Variants in CSPP1 observed in about 807,000 individuals in gnomAD.
The protein encoded by CSPP1 is centrosome and spindle pole-associated protein 1.
CSPP1 carries 126 observed loss-of-function variants against 164.4 expected under a neutral mutation model. The ratio of observed to expected loss-of-function variants is 0.77; its 90% CI spans 0.66 to 0.89. CSPP1 has a LOEUF of 0.89. Ranked by LOEUF, CSPP1 falls within the 40% of genes least tolerant of loss-of-function variation. The pLI is 0.00. For missense variants in CSPP1, 1,395 were observed against 1,449.8 expected, an observed-to-expected ratio of 0.96 and a Z score of 0.61; for synonymous variants, 472 against 476.7, an observed-to-expected ratio of 0.99 and a Z score of 0.13.
intron 17 of CSPP1, among the ~76,000 whole-genome samples, chr8:67,141,322 G>A (rs1328589755): frequency 6.6e-6 from 1 of 152,116 alleles, no homozygotes; most frequent in Non-Finnish European, 1.5e-5. Context: ...GACCTAATGA[G>A]CATGGAGAAA....
intron 4 of CSPP1, among the ~76,000 whole-genome samples, chr8:67,091,225 A>T (rs191129732): frequency 4.6e-5 from 7 of 152,336 alleles, no homozygotes; most frequent in Non-Finnish European, 8.8e-5. Flanking sequence ...TGCTTGGGCT[A>T]GTTGTAGATC....
chr8:67,112,857 A>G (rs1817146217), intron 10 of CSPP1, among the ~76,000 whole-genome samples: 1 of 152,212 alleles, frequency 6.6e-6, no homozygotes, highest in Non-Finnish European at 1.5e-5. Flanking sequence ...TATGTTGTAC[A>G]TAGGTATCAT....
intron 18 of CSPP1, among the ~76,000 whole-genome samples, chr8:67,150,914 C>T (rs1308360880): frequency 6.6e-6 from 1 of 152,156 alleles, no homozygotes; most frequent in Admixed American, 6.5e-5. Flanking sequence ...CAAAATTCTA[C>T]TTTGTGCTTT....
At chr8:67,178,074 GGCATA>G (rs1170210456) in intron 27 of CSPP1, among the ~76,000 whole-genome samples, 2 of 152,236 alleles carry the variant, frequency 1.3e-5, no homozygotes, top group East Asian at 3.9e-4. Flanking sequence ...AGACAGGCCT[GGCATA>G]TAAGTTTTAT....
chr8:67,195,240 A>G, intron 30 of CSPP1, 142 bp from the exon 31 acceptor site: 3 of 712,018 alleles, frequency 4.2e-6, no homozygotes, highest in Non-Finnish European at 7.6e-6. Context: ...GAGTCTAACC[A>G]AAACAAACAA....
chr8:67,107,999 T>TTTG (rs1815969854), intron 9 of CSPP1, among the ~76,000 whole-genome samples: 1 of 150,842 alleles, frequency 6.6e-6, no homozygotes, highest in African/African-American at 2.4e-5. Context: ...TTTTTTTTTT[T>TTTG]TTGTTTGGGT....
intron 3 of CSPP1, among the ~76,000 whole-genome samples, chr8:67,078,249 T>G (rs762719199): frequency 6.6e-6 from 1 of 152,164 alleles, no homozygotes; most frequent in African/African-American, 2.4e-5. Flanking sequence ...TTATGACATC[T>G]ATCTCAAAAA....
Position 67,093,576 on chromosome 8 carries a change from A to C in CSPP1, c.418A>C (p.Asn140His). Residue 140 changes from asparagine to histidine, a missense_variant, in exon 6 of 31, where the codon AAT (asparagine) becomes CAT (histidine). Transcript: ENST00000678616. ...GAAACTTGAACGTAACAAAGAATAC[A>C]ATCAGTTTCTCAGGGGTAAGGAAGA... is the stretch of plus-strand genomic sequence containing the variant. The part of the protein sequence containing the change: ...RLKLERNKEY[N>H]QFLRGKEESS... The C allele has an allele frequency of 2.5e-6, 4 of 1,611,672 alleles. No individual in the cohort carries two copies. The highest frequency in any genetic ancestry group is 3.4e-6 in the Non-Finnish European group (4 of 1,177,974).
At chr8:67,194,751 A>G (rs1345122641) in intron 30 of CSPP1, among the ~76,000 whole-genome samples, 1 of 152,072 alleles carries the variant, frequency 6.6e-6, no homozygotes, top group Non-Finnish European at 1.5e-5. Context: ...TATTATACCT[A>G]ATAATAAATA....
At chr8:67,121,933 C>T (rs371122664) in intron 15 of CSPP1, among the ~76,000 whole-genome samples, 4 of 151,876 alleles carry the variant, frequency 2.6e-5, no homozygotes, top group Admixed American at 6.6e-5. Flanking sequence ...CTAGGTTATC[C>T]GATTTGTTGG....
intron 7 of CSPP1, 59 bp from the exon 8 acceptor site, chr8:67,102,978 C>A: frequency 1.1e-6 from 1 of 942,494 alleles, no homozygotes; most frequent in Non-Finnish European, 1.7e-6. Flanking sequence ...AAACACCAAA[C>A]TGTTATAAGA....
chr8:67,104,967 T>TA (rs61548979), intron 8 of CSPP1, among the ~76,000 whole-genome samples: 2,902 of 86,226 alleles, frequency 0.034, 14 homozygotes, highest in African/African-American at 0.042. Flanking sequence ...TATATATATA[T>TA]TTTTTTTTTT....
intron 21 of CSPP1, 52 bp from the exon 22 acceptor site, chr8:67,161,757 ATG>A: frequency 1.1e-6 from 1 of 901,646 alleles, no homozygotes; most frequent in Non-Finnish European, 1.9e-6. Flanking sequence ...GTGTGTATAT[ATG>A]TGTGTGAGTG....
At chr8:67,112,877 T>A (rs1817150196) in intron 10 of CSPP1, among the ~76,000 whole-genome samples, 1 of 152,222 alleles carries the variant, frequency 6.6e-6, no homozygotes, top group Non-Finnish European at 1.5e-5. Flanking sequence ...TTGTTTGTAG[T>A]CTTTCTTGTT....
In CSPP1 at chr8:67,091,881, AAGGT is replaced by A. The variant is rs774498648; in HGVS notation, c.384+3_384+6del. On this transcript the variant is annotated splice_donor_variant and coding_sequence_variant, in exon 5 of 31. Coordinates refer to ENST00000678616, the MANE Select transcript of CSPP1 (RefSeq NM_001382391.1). LOFTEE classifies it high-confidence loss of function. ...TCCTATTGGTGAGAGGTTATCTGCT[AAGGT>A]AGGTGGATAGGAGTAGTTATTGTGG... 6.0e-5 allele frequency: 79 copies of A among 1,318,708 alleles called. 1 individual carries two copies. Among genetic ancestry groups the A allele is most frequent in the Middle Eastern group, 4.3e-4 (2 of 4,698 alleles). The allele number at this position is 1,318,708 out of a possible 1,614,324, so 81.7% of individuals were successfully genotyped here.
chr8:67,185,953 C>T (rs1834464086), intron 28 of CSPP1, among the ~76,000 whole-genome samples: 1 of 152,154 alleles, frequency 6.6e-6, no homozygotes. Context: ...TCTGTAGGTC[C>T]TTTGCACTTA....
At chr8:67,066,426 C>A (rs1056891379) in intron 1 of CSPP1, among the ~76,000 whole-genome samples, 1 of 151,966 alleles carries the variant, frequency 6.6e-6, no homozygotes, top group Non-Finnish European at 1.5e-5. Context: ...CTTTCACTGG[C>A]CCCTCCCCCC....
chr8:67,181,909 G>A (rs140482703), intron 28 of CSPP1, among the ~76,000 whole-genome samples: 1 of 152,296 alleles, frequency 6.6e-6, no homozygotes, highest in Admixed American at 6.5e-5. Flanking sequence ...CCTCATGTAA[G>A]TGGAATCATA....
chr8:67,105,886 TC>T lies in CSPP1; in HGVS notation c.1023-18del. The T allele has an allele frequency of 7.2e-7, 1 of 1,394,142 alleles. No homozygotes were observed. Among genetic ancestry groups the T allele is most frequent in the Non-Finnish European group, 1.0e-6 (1 of 982,504 alleles). 86.4% of individuals were successfully genotyped at this position (1,394,142 alleles called of 1,614,324 possible). A position where few individuals can be genotyped will look rare whatever the true frequency, so the allele number is the denominator to read the frequency against. ...TCTGGATTTTAATTTACTCTTTTTC[TC>T]TGTCTTTTTTTCTTTAGTGCTCCAG... On this transcript the variant is annotated intron_variant, in intron 8 of 30. Transcript: ENST00000678616.
Sources: gnomAD v4.1 joint callset for allele counts (sites outside exome capture counted in the v4.1 genomes callset) on GRCh38, gnomAD v4.1.1 for gene constraint, MANE v1.5 for transcripts, NCBI Gene and HGNC (gene_info 2026-07-23, HGNC 2026-07-21) for gene names.